The following PRKCE variants were observed in gnomAD, a reference collection of about 807,000 sequenced individuals.
PRKCE encodes the protein protein kinase C epsilon, also known as protein kinase C epsilon type.
In PRKCE, 16 loss-of-function variants were observed where a neutral mutation model predicts 85.4. The ratio of observed to expected loss-of-function variants is 0.19; its 90% CI spans 0.13 to 0.28. The LOEUF is 0.28. Ranked by LOEUF, PRKCE falls within the 10% of genes least tolerant of loss-of-function variation. PRKCE has a pLI of 1.00. For synonymous variants in PRKCE, 388 were observed against 371.5 expected, an observed-to-expected ratio of 1.04 and a Z score of -0.51; for missense variants, 573 against 975.2, an observed-to-expected ratio of 0.59 and a Z score of 5.49.
At position 45,978,980 on chromosome 2, in the gene PRKCE, G is replaced by T. The variant is rs766862275; in HGVS notation, c.577G>T (p.Val193Phe). 1.9e-6 allele frequency: 3 copies of T among 1,599,270 alleles called. No individual in the cohort carries two copies. The highest frequency in any genetic ancestry group is 2.5e-6 in the Non-Finnish European group (3 of 1,179,602). ...CSHCRDFIWG[V>F]IGKQGYQCQV... The stretch of plus-strand genomic sequence containing the variant: ...AAATGTTATTCTTCTTTTCAGGGGT[G>T]TCATAGGAAAGCAGGGATACCAGTG... Residue 193 changes from valine (V) to phenylalanine (F), a missense_variant, in exon 4 of 15, where the codon GTC becomes TTC. By Grantham distance (50) the Val-to-Phe change is conservative. Transcript: ENST00000306156.
intron 1 of PRKCE, among the ~76,000 whole-genome samples, chr2:45,662,217 C>G (rs889202130): frequency 5.9e-5 from 9 of 152,228 alleles, no homozygotes; most frequent in Non-Finnish European, 1.3e-4. Context: ...CTTTCATTCA[C>G]TGAGCAAATA....
intron 2 of PRKCE, among the ~76,000 whole-genome samples, chr2:45,917,878 G>C (rs1403269987): frequency 6.6e-6 from 1 of 151,330 alleles, no homozygotes; most frequent in Non-Finnish European, 1.5e-5. Flanking sequence ...CGGCACTGCT[G>C]GGGGACCCAG....
rs541974973 is a variant in PRKCE, at chr2:45,956,671, C to T, written c.413-19758C>T. Among the ~76,000 whole-genome samples the T allele has an allele frequency of 5.3e-4, 81 of 152,150 alleles. 1 individual carries two copies. Among genetic ancestry groups the T allele is most frequent in the African/African-American group, 1.6e-3 (65 of 41,528 alleles). On this transcript the variant is annotated intron_variant, in intron 2 of 14. Coordinates refer to ENST00000306156, the MANE Select transcript of PRKCE (RefSeq NM_005400.3). ...CTACACTCCAGCCTGGGCAACAGAG[C>T]GAGACTCGGTCTCACACAAAGAAAA...
chr2:45,877,699 C>T (rs1267294389), intron 2 of PRKCE, among the ~76,000 whole-genome samples: 4 of 152,298 alleles, frequency 2.6e-5, no homozygotes, highest in South Asian at 4.1e-4. Flanking sequence ...ATAATGCCAA[C>T]ACCTGAAGTC....
At chr2:45,986,305 T>G (rs1703318853) in intron 6 of PRKCE, among the ~76,000 whole-genome samples, 1 of 152,146 alleles carries the variant, frequency 6.6e-6, no homozygotes, top group East Asian at 1.9e-4. Context: ...GCTAAAGTGC[T>G]AATAGAGGGA....
At chr2:46,176,593 C>T (rs1679453651) in intron 14 of PRKCE, among the ~76,000 whole-genome samples, 1 of 152,156 alleles carries the variant, frequency 6.6e-6, no homozygotes, top group African/African-American at 2.4e-5. Context: ...TCACTTGAAG[C>T]AATTAACTTC....
chr2:45,978,271 G>A (rs1165440959), intron 3 of PRKCE: 5 of 152,354 alleles, frequency 3.3e-5, no homozygotes, highest in Non-Finnish European at 7.3e-5. Context: ...GTTCCCTGGG[G>A]TGGAGCCTGA....
chr2:46,010,621 A>C, intron 10 of PRKCE, 104 bp downstream of exon 10: 1 of 1,599,258 alleles, frequency 6.3e-7, no homozygotes, highest in Non-Finnish European at 8.5e-7. Flanking sequence ...AGACTTTGTA[A>C]AGTGGGATGG....
At position 45,732,122 on chromosome 2, in the gene PRKCE, CA is replaced by C. The variant is rs779040378; in HGVS notation, c.348+79675del. Reference sequence around the variant, plus strand: ...ACCATCTTATCAGTCATGTGAACCTCAGTATAAATGAAATTTATGAGAGCTT... The same window carrying C: ...ACCATCTTATCAGTCATGTGAACCTCGTATAAATGAAATTTATGAGAGCTT... On this transcript the variant is annotated intron_variant, in intron 1 of 14. Coordinates refer to ENST00000306156, the MANE Select transcript of PRKCE (RefSeq NM_005400.3). Among the ~76,000 whole-genome samples, 99 of 152,064 alleles carry C rather than the reference CA, an allele frequency of 6.5e-4. 1 individual carries two copies. Among genetic ancestry groups the C allele is most frequent in the Non-Finnish European group, 1.3e-4 (9 of 68,024 alleles).
At chr2:46,158,914 C>A (rs1677479857) in intron 13 of PRKCE, among the ~76,000 whole-genome samples, 1 of 152,076 alleles carries the variant, frequency 6.6e-6, no homozygotes, top group Non-Finnish European at 1.5e-5. Context: ...TAGGGATCGC[C>A]AGACACCACC....
intron 1 of PRKCE, among the ~76,000 whole-genome samples, chr2:45,729,910 A>G (rs150234482): frequency 5.3e-4 from 80 of 152,326 alleles, no homozygotes; most frequent in Middle Eastern, 3.4e-3. Flanking sequence ...GAGTCTTAAA[A>G]GAGGAACAGA....
chr2:46,101,328 A>C (rs1376013517), intron 11 of PRKCE, among the ~76,000 whole-genome samples: 1 of 152,240 alleles, frequency 6.6e-6, no homozygotes, highest in African/African-American at 2.4e-5. Flanking sequence ...GGGATACCTC[A>C]GCCAGTTTAG....
At chr2:46,134,843 C>T (rs1439874425) in intron 11 of PRKCE, among the ~76,000 whole-genome samples, 1 of 152,214 alleles carries the variant, frequency 6.6e-6, no homozygotes, top group African/African-American at 2.4e-5. Context: ...CAGGCTAGCT[C>T]ACCCACATGC....
chr2:46,069,989 T>C (rs1667938841), intron 10 of PRKCE, among the ~76,000 whole-genome samples: 2 of 152,232 alleles, frequency 1.3e-5, no homozygotes, highest in South Asian at 4.1e-4. Context: ...TGGTGTTCAC[T>C]TCTGCTGTTG....
At chr2:46,043,040 G>A (rs1381281658) in intron 10 of PRKCE, among the ~76,000 whole-genome samples, 1 of 152,008 alleles carries the variant, frequency 6.6e-6, no homozygotes, top group Non-Finnish European at 1.5e-5. Context: ...ACACTCACAA[G>A]GCAACTTCCC....
At chr2:45,858,129 C>A (rs114175699) in intron 2 of PRKCE, among the ~76,000 whole-genome samples, 3 of 152,336 alleles carry the variant, frequency 2.0e-5, no homozygotes, top group Non-Finnish European at 4.4e-5. Flanking sequence ...AGAAGACAGA[C>A]TTCACCTGCT....
chr2:45,715,293 C>G (rs1452480130), intron 1 of PRKCE, among the ~76,000 whole-genome samples: 4 of 152,232 alleles, frequency 2.6e-5, no homozygotes, highest in African/African-American at 7.2e-5. Context: ...GATCTTGTCA[C>G]CTCTGCTAGG....
chr2:46,170,031 G>A (rs1678735909), intron 14 of PRKCE, among the ~76,000 whole-genome samples: 1 of 152,234 alleles, frequency 6.6e-6, no homozygotes, highest in East Asian at 1.9e-4. Flanking sequence ...AGCCATGTGA[G>A]AGCAGGGATT....
chr2:45,819,904 T>C (rs1361571636), intron 1 of PRKCE, among the ~76,000 whole-genome samples: 1 of 152,196 alleles, frequency 6.6e-6, no homozygotes, highest in Non-Finnish European at 1.5e-5. Flanking sequence ...TCAAGCTGGT[T>C]TGGGGCTGTG....
Sources: gnomAD v4.1 joint callset for allele counts (sites outside exome capture counted in the v4.1 genomes callset) on GRCh38, gnomAD v4.1.1 for gene constraint, MANE v1.5 for transcripts, NCBI Gene and HGNC (gene_info 2026-07-23, HGNC 2026-07-21) for gene names.